PPP1R16B: variants seen among roughly 807,000 people sequenced by gnomAD.
PPP1R16B encodes protein phosphatase 1 regulatory subunit 16B, also known as protein phosphatase 1 regulatory inhibitor subunit 16B.
A neutral mutation model predicts 61.7 loss-of-function variants in PPP1R16B; 14 were observed. The observed-to-expected ratio is 0.23, with a 90% CI of 0.15 to 0.35. PPP1R16B has a LOEUF of 0.35. PPP1R16B is among the 10% of genes least tolerant of loss of function. The pLI is 1.00. For missense variants in PPP1R16B, 547 were observed against 752.5 expected (o/e 0.73, Z 3.19); for synonymous variants, 266 against 305.3 (o/e 0.87, Z 1.34).
intron 6 of PPP1R16B, among the ~76,000 whole-genome samples, chr20:38,903,559 ATCCATCCG>A (rs1435904570): frequency 1.2e-4 from 15 of 124,270 alleles, no homozygotes; most frequent in Middle Eastern, 8.3e-3. Flanking sequence ...CCATCCATCC[ATCCATCCG>A]TCCGTCCGTC....
chr20:38,865,754 T>G (rs1356443565), intron 2 of PPP1R16B, among the ~76,000 whole-genome samples: 2 of 152,204 alleles, frequency 1.3e-5, no homozygotes, highest in African/African-American at 2.4e-5. Flanking sequence ...CCGGGTCTCC[T>G]GCTTCTGGTG....
chr20:38,857,852 C>T (rs369536480), intron 2 of PPP1R16B, among the ~76,000 whole-genome samples: 5 of 152,070 alleles, frequency 3.3e-5, no homozygotes, highest in East Asian at 1.9e-4. Context: ...CAGTCTTTCT[C>T]GGTGGACATG....
intron 10 of PPP1R16B, among the ~76,000 whole-genome samples, chr20:38,914,759 C>T (rs1019012239): frequency 7.2e-5 from 11 of 152,194 alleles, no homozygotes; most frequent in African/African-American, 2.7e-4. Flanking sequence ...GCCTCACCCT[C>T]CTGGGCTCAA....
At chr20:38,883,175 C>T (rs946174509) in intron 2 of PPP1R16B, among the ~76,000 whole-genome samples, 4 of 152,166 alleles carry the variant, frequency 2.6e-5, no homozygotes, top group South Asian at 2.1e-4. Flanking sequence ...GGGCACCCCC[C>T]GGGGAGATGC....
chr20:38,818,252 G>T (rs974791110), intron 1 of PPP1R16B, among the ~76,000 whole-genome samples: 5 of 152,144 alleles, frequency 3.3e-5, no homozygotes, highest in African/African-American at 1.2e-4. Flanking sequence ...GACTCATTGC[G>T]GGGATTAAAG....
intron 1 of PPP1R16B, among the ~76,000 whole-genome samples, chr20:38,812,249 C>T (rs954634006): frequency 1.3e-5 from 2 of 152,166 alleles, no homozygotes; most frequent in African/African-American, 2.4e-5. Context: ...ATACAGGACC[C>T]GTCTTTATCT....
Position 38,922,833 on chromosome 20 carries a change from G to C in PPP1R16B, c.*4167G>C, listed in dbSNP as rs1383494080. ...TTAAAAAAAATCTTCGCAGATCTTT[G>C]ATATCGTACTGAGGTAACTTCCACG... On this transcript the variant is annotated 3_prime_UTR_variant, in exon 11 of 11. Coordinates refer to ENST00000299824, the MANE Select transcript of PPP1R16B (RefSeq NM_015568.4). 3 of 152,466 alleles carry C rather than the reference G, an allele frequency of 2.0e-5. No homozygotes were observed. Among genetic ancestry groups the C allele is most frequent in the Non-Finnish European group, 4.4e-5 (3 of 68,046 alleles). The allele number at this position is 152,466 out of a possible 1,614,324, so 9.4% of individuals were successfully genotyped here.
At chr20:38,868,254 T>G (rs1311472887) in intron 2 of PPP1R16B, among the ~76,000 whole-genome samples, 1 of 152,158 alleles carries the variant, frequency 6.6e-6, no homozygotes, top group Non-Finnish European at 1.5e-5. Flanking sequence ...GCGTTTCACC[T>G]CAGGACCCCA....
chr20:38,840,942 G>T (rs1436936912), intron 2 of PPP1R16B, among the ~76,000 whole-genome samples: 2 of 152,122 alleles, frequency 1.3e-5, no homozygotes, highest in Non-Finnish European at 1.5e-5. Context: ...GGTATAAATT[G>T]TTGTTATTCT....
At chr20:38,829,693 G>A (rs1163999237) in intron 1 of PPP1R16B, among the ~76,000 whole-genome samples, 1 of 152,254 alleles carries the variant, frequency 6.6e-6, no homozygotes, top group East Asian at 1.9e-4. Flanking sequence ...AGCCATGGCT[G>A]CCGTGGGCTG....
chr20:38,833,825 G>A (rs2084852540), intron 1 of PPP1R16B, among the ~76,000 whole-genome samples: 1 of 152,234 alleles, frequency 6.6e-6, no homozygotes, highest in Non-Finnish European at 1.5e-5. Context: ...GGAGAGACAT[G>A]AAGAACGATC....
intron 2 of PPP1R16B, among the ~76,000 whole-genome samples, chr20:38,889,157 C>T (rs2085271362): frequency 6.6e-6 from 1 of 152,088 alleles, no homozygotes; most frequent in Non-Finnish European, 1.5e-5. Flanking sequence ...ACCTCGATGA[C>T]CACTCACACT....
Position 38,835,838 on chromosome 20 carries a change from GC to G in PPP1R16B, c.-84del. On this transcript the variant is annotated 5_prime_UTR_variant, in exon 2 of 11. An upstream open reading frame in the 5' UTR loses its in-frame stop. Coordinates refer to ENST00000299824, the MANE Select transcript of PPP1R16B (RefSeq NM_015568.4). ...TCCCTGCCACAGGCCACACCATGAG[GC>G]CCCAGCCCCACCAGAGGCCCCGCGC... 2 of 1,412,168 alleles carry G rather than the reference GC, an allele frequency of 1.4e-6. No homozygotes were observed. Among genetic ancestry groups the G allele is most frequent in the Non-Finnish European group, 1.9e-6 (2 of 1,073,820 alleles). 87.5% of individuals were successfully genotyped at this position (1,412,168 alleles called of 1,614,324 possible).
chr20:38,886,908 G>T (rs1369270021), intron 2 of PPP1R16B, among the ~76,000 whole-genome samples: 1 of 152,218 alleles, frequency 6.6e-6, no homozygotes, highest in Non-Finnish European at 1.5e-5. Context: ...AGTGTCCAAT[G>T]GGCAGATACA....
chr20:38,848,865 G>A (rs1019732531), intron 2 of PPP1R16B, among the ~76,000 whole-genome samples: 1 of 152,150 alleles, frequency 6.6e-6, no homozygotes, highest in African/African-American at 2.4e-5. Context: ...TGGGTACTAG[G>A]CTTAATACCT....
chr20:38,852,786 C>G (rs1239992528), intron 2 of PPP1R16B, among the ~76,000 whole-genome samples: 3 of 61,782 alleles, frequency 4.9e-5, no homozygotes, highest in African/African-American at 7.2e-5. Flanking sequence ...GTGGGGGTAG[C>G]ATGGGGGGAT....
chr20:38,834,940 C>T (rs2084860021), intron 1 of PPP1R16B, among the ~76,000 whole-genome samples: 2 of 152,116 alleles, frequency 1.3e-5, no homozygotes, highest in Non-Finnish European at 2.9e-5. Flanking sequence ...AGCTTAGCAG[C>T]TGGATTCTTG....
chr20:38,912,796 C>T (rs1224265445), intron 10 of PPP1R16B, among the ~76,000 whole-genome samples: 2 of 152,198 alleles, frequency 1.3e-5, no homozygotes, highest in Non-Finnish European at 2.9e-5. Context: ...AGCCTGACCC[C>T]CAAATCACAT....
At chr20:38,828,962 AT>A (rs1459625285) in intron 1 of PPP1R16B, among the ~76,000 whole-genome samples, 1 of 152,112 alleles carries the variant, frequency 6.6e-6, no homozygotes, top group Non-Finnish European at 1.5e-5. Context: ...ATTTTGGGCG[AT>A]GCTATTATTC....
Sources: allele counts gnomAD v4.1 joint callset (sites outside exome capture counted in the v4.1 genomes callset), GRCh38; gene constraint gnomAD v4.1.1; transcripts MANE v1.5; gene names NCBI Gene and HGNC (gene_info 2026-07-23, HGNC 2026-07-21).